COL26A1: variants seen among roughly 807,000 people sequenced by gnomAD.
COL26A1 encodes the protein collagen type XXVI alpha 1 chain.
A neutral mutation model predicts 59.3 loss-of-function variants in COL26A1; 41 were observed. The ratio of observed to expected loss-of-function variants is 0.69; its 90% CI spans 0.54 to 0.90. COL26A1 has a LOEUF of 0.90. Ranked by LOEUF, COL26A1 falls within the 40% of genes least tolerant of loss-of-function variation. The pLI, the probability that COL26A1 is intolerant of heterozygous loss-of-function variation, is 0.00. For missense variants in COL26A1, 612 were observed against 602.3 expected (o/e 1.02, Z -0.17); for synonymous variants, 266 against 256.0 (o/e 1.04, Z -0.37).
At chr7:101,496,497 C>A (rs913907285) in intron 3 of COL26A1, among the ~76,000 whole-genome samples, 1 of 152,034 alleles carries the variant, frequency 6.6e-6, no homozygotes, top group Non-Finnish European at 1.5e-5. Context: ...GAGTGCAGGG[C>A]GAGGTCCTGG....
rs777838789 is a variant in COL26A1, at chr7:101,447,762, C to T, written c.360C>T (p.Gly120=). The change falls in exon 3 of 13, where the codon GGC becomes GGT. Residue 120 remains glycine, a synonymous_variant. Coordinates refer to ENST00000313669, the MANE Select transcript of COL26A1 (RefSeq NM_001278563.3). The part of the protein sequence containing the change: ...VTVLEWRCCP[G]FTGSNCDEEC... ...TGCTGGAGTGGAGATGCTGCCCTGGCTTCACCGGGAGCAACTGTGATGAGG... is the reference window on the plus strand; with the variant it reads ...TGCTGGAGTGGAGATGCTGCCCTGGTTTCACCGGGAGCAACTGTGATGAGG... 1 of 1,604,090 alleles carries T rather than the reference C, an allele frequency of 6.2e-7. No homozygotes were observed.
chr7:101,491,419 A>G (rs60685206), intron 3 of COL26A1, among the ~76,000 whole-genome samples: 7,818 of 152,216 alleles, frequency 0.051, 685 homozygotes, highest in African/African-American at 0.18. Context: ...TAGAGACCCC[A>G]AGAGAGGGTT....
intron 3 of COL26A1, among the ~76,000 whole-genome samples, chr7:101,499,914 C>T (rs375441528): frequency 6.7e-5 from 10 of 148,962 alleles, no homozygotes; most frequent in African/African-American, 2.5e-4. Flanking sequence ...GTTATGGTTT[C>T]CTGTGCTCCC....
chr7:101,374,496 T>C (rs1409881876), intron 1 of COL26A1, among the ~76,000 whole-genome samples: 1 of 152,204 alleles, frequency 6.6e-6, no homozygotes. Flanking sequence ...TCGCTCGCAT[T>C]ACTGCCTTAG....
intron 3 of COL26A1, among the ~76,000 whole-genome samples, chr7:101,506,160 G>A (rs748097097): frequency 1.2e-4 from 18 of 152,168 alleles, no homozygotes; most frequent in Non-Finnish European, 2.5e-4. Flanking sequence ...ACAAATATTT[G>A]AGAGTCACCA....
intron 1 of COL26A1, among the ~76,000 whole-genome samples, chr7:101,417,350 C>A (rs972634815): frequency 6.6e-6 from 1 of 150,610 alleles, no homozygotes; most frequent in Non-Finnish European, 1.5e-5. Flanking sequence ...TTGAGAGTGA[C>A]CCTGTTTCTC....
rs1219137338 is a variant in COL26A1 at position 101,384,254 on chromosome 7, T to TA, written c.158+21066dup. ...GGTTTTTTTTTTTTTTTTTTTTTTT[T>TA]AAGACGGAGTCTCACTGTGTTGCCT... On this transcript the variant is annotated intron_variant, in intron 1 of 12. Coordinates refer to ENST00000313669, the MANE Select transcript of COL26A1 (RefSeq NM_001278563.3). 2.8e-5 allele frequency among the ~76,000 whole-genome samples: 4 copies of TA among 143,438 alleles called. No individual in the cohort carries two copies. The East Asian group carries it at 7.8e-4, about 28-fold the overall frequency. The allele number at this position is 143,438 out of a possible 152,430, so 94.1% of individuals were successfully genotyped here.
Position 101,533,097 on chromosome 7 carries a change from C to T in COL26A1, c.401C>T (p.Thr134Ile), listed in dbSNP as rs772094033. The change falls in exon 4 of 13, where the codon ACC becomes ATC. Residue 134 changes from threonine (T) to isoleucine (I), a missense_variant. Thr to Ile is a moderately conservative substitution (Grantham distance 89, BLOSUM62 -1). Transcript: ENST00000313669. ...SNCDEECMNCTRLSDMSERLT... is the reference protein window; with the variant it reads ...SNCDEECMNCIRLSDMSERLT... ...TCTCTTTCAGAATGCATGAACTGCA[C>T]CCGGCTCAGTGACATGAGTGAGCGA... 1 of 1,607,638 alleles carries T rather than the reference C, an allele frequency of 6.2e-7. No individual in the cohort carries two copies. Among genetic ancestry groups the T allele is most frequent in the South Asian group, 1.1e-5 (1 of 89,730 alleles).
intron 3 of COL26A1, among the ~76,000 whole-genome samples, chr7:101,477,334 G>A (rs763535209): frequency 3.3e-5 from 5 of 152,292 alleles, no homozygotes; most frequent in Middle Eastern, 6.8e-3. Context: ...ATGTTTGTGC[G>A]TGTTTGTGTG....
intron 1 of COL26A1, among the ~76,000 whole-genome samples, chr7:101,412,177 G>C (rs149623277): frequency 5.9e-5 from 9 of 152,236 alleles, no homozygotes; most frequent in Non-Finnish European, 1.2e-4. Flanking sequence ...AAACAAAACA[G>C]ATCGGGGCAG....
At chr7:101,441,366 C>A (rs1375346280) in intron 2 of COL26A1, among the ~76,000 whole-genome samples, 2 of 152,158 alleles carry the variant, frequency 1.3e-5, no homozygotes, top group African/African-American at 4.8e-5. Context: ...GACTGGAGTG[C>A]AGTGGTGCAA....
At chr7:101,523,313 C>T (rs1795176371) in intron 3 of COL26A1, among the ~76,000 whole-genome samples, 1 of 152,194 alleles carries the variant, frequency 6.6e-6, no homozygotes, top group South Asian at 2.1e-4. Flanking sequence ...AAATAATCCA[C>T]CTGCCTCAGC....
chr7:101,383,795 A>G (rs1440360935), intron 1 of COL26A1, among the ~76,000 whole-genome samples: 3 of 152,086 alleles, frequency 2.0e-5, no homozygotes, highest in Non-Finnish European at 4.4e-5. Context: ...TCGGCCTCCC[A>G]AAGTGCTGGG....
intron 3 of COL26A1, among the ~76,000 whole-genome samples, chr7:101,472,562 T>A (rs958151502): frequency 1.3e-5 from 2 of 152,156 alleles, no homozygotes; most frequent in Non-Finnish European, 1.5e-5. Flanking sequence ...GGGGTTGTGC[T>A]AAGCATGTAT....
intron 1 of COL26A1, among the ~76,000 whole-genome samples, chr7:101,369,827 T>C (rs1791142960): frequency 6.6e-6 from 1 of 152,092 alleles, no homozygotes; most frequent in Non-Finnish European, 1.5e-5. Flanking sequence ...CAGTTTCTTC[T>C]TGGGGTACAT....
intron 1 of COL26A1, among the ~76,000 whole-genome samples, chr7:101,395,642 T>C (rs1303656704): frequency 6.6e-6 from 1 of 151,800 alleles, no homozygotes; most frequent in Non-Finnish European, 1.5e-5. Flanking sequence ...CAGGGGAGAG[T>C]TGCAATTCTT....
chr7:101,546,164 G>A (rs997068207), intron 7 of COL26A1, among the ~76,000 whole-genome samples: 1 of 152,218 alleles, frequency 6.6e-6, no homozygotes, highest in African/African-American at 2.4e-5. Context: ...GAGGTAGTGG[G>A]AGGCCAGGCA....
intron 8 of COL26A1, 128 bp downstream of exon 8, chr7:101,547,367 G>T (rs1431178990): frequency 8.6e-6 from 5 of 584,570 alleles, no homozygotes; most frequent in Non-Finnish European, 1.5e-5. Flanking sequence ...CTGGGGACTG[G>T]GTCTGTCCCA....
chr7:101,382,933 T>C (rs927383961), intron 1 of COL26A1, among the ~76,000 whole-genome samples: 2 of 152,162 alleles, frequency 1.3e-5, no homozygotes, highest in Non-Finnish European at 2.9e-5. Flanking sequence ...TCCCAGCTAC[T>C]CTGGAGGTGG....
Sources: allele counts gnomAD v4.1 joint callset (sites outside exome capture counted in the v4.1 genomes callset), GRCh38; gene constraint gnomAD v4.1.1; transcripts MANE v1.5; gene names NCBI Gene and HGNC (gene_info 2026-07-23, HGNC 2026-07-21).